The following LARP1B variants were observed in gnomAD, a reference collection of about 807,000 sequenced individuals.
LARP1B encodes the protein la-related protein 1B.
LARP1B carries 76 observed loss-of-function variants against 114.2 expected under a neutral mutation model. That is an observed-to-expected ratio of 0.67 (90% CI 0.55 to 0.81). The LOEUF (loss-of-function observed/expected upper bound fraction) is 0.81, where lower values mean the gene tolerates loss of function less well. Ranked by LOEUF, LARP1B falls within the 30% of genes least tolerant of loss-of-function variation. The pLI is 0.00. For synonymous variants in LARP1B, 345 were observed against 348.0 expected (o/e 0.99, Z 0.10); for missense variants, 1,014 against 1,075.8 (o/e 0.94, Z 0.80).
At chr4:128,222,494 C>T in exon 8 of LARP1B, 1 of 395,512 alleles carries the variant, frequency 2.5e-6, no homozygotes, top group Middle Eastern at 3.5e-4. Flanking sequence ...CCAAGTTTGA[C>T]TTGCATCTTA....
At chr4:128,222,537 C>G in exon 8 of LARP1B, 1 of 283,524 alleles carries the variant, frequency 3.5e-6, no homozygotes, top group Admixed American at 4.4e-5. Context: ...TTTTTCTGCC[C>G]TGGGACATTT....
At chr4:128,093,237 A>G (rs769478786) in intron 7 of LARP1B, among the ~76,000 whole-genome samples, 4 of 152,062 alleles carry the variant, frequency 2.6e-5, no homozygotes, top group African/African-American at 4.8e-5. Flanking sequence ...ACTTTGTATT[A>G]TTTGGTTTCT....
chr4:128,120,393 A>C (rs1303099332), intron 10 of LARP1B, among the ~76,000 whole-genome samples: 1 of 152,148 alleles, frequency 6.6e-6, no homozygotes, highest in Non-Finnish European at 1.5e-5. Flanking sequence ...TTTACATGTT[A>C]TAAGATCTAG....
chr4:128,096,319 T>C (rs1778000437), intron 7 of LARP1B, among the ~76,000 whole-genome samples: 2 of 152,106 alleles, frequency 1.3e-5, no homozygotes, highest in South Asian at 4.1e-4. Context: ...TAAACATGTA[T>C]TTCTCTCTCT....
At chr4:128,186,561 A>G (rs1335779673) in intron 15 of LARP1B, among the ~76,000 whole-genome samples, 1 of 152,192 alleles carries the variant, frequency 6.6e-6, no homozygotes, top group East Asian at 1.9e-4. Flanking sequence ...ATTTTTCTAA[A>G]TATAATATCA....
Position 128,162,202 on chromosome 4 carries a change from T to A in LARP1B, c.1533T>A (p.Val511=), listed in dbSNP as rs772870962. ...ENKHTAIKQE[V]ENFKKLNLIS... ...CCTCCATTCTACTTCAGCAAGAAGT[T>A]GAGAACTTTAAGAAGCTAAATCTCA... The change falls in exon 12 of 20, where the codon GTT becomes GTA. Residue 511 remains valine (V), a synonymous_variant. Transcript: ENST00000326639. 3 of 1,612,188 alleles carry A rather than the reference T, an allele frequency of 1.9e-6. No homozygotes were observed. Among genetic ancestry groups the A allele is most frequent in the Non-Finnish European group, 2.5e-6 (3 of 1,178,814 alleles).
At chr4:128,147,659 C>T (rs1581002753) in intron 11 of LARP1B, among the ~76,000 whole-genome samples, 1 of 152,036 alleles carries the variant, frequency 6.6e-6, no homozygotes, top group African/African-American at 2.4e-5. Context: ...TTGAAGAGTA[C>T]TTTTTGTGAC....
chr4:128,142,839 T>C (rs912216470), intron 11 of LARP1B, among the ~76,000 whole-genome samples: 1 of 152,118 alleles, frequency 6.6e-6, no homozygotes, highest in Non-Finnish European at 1.5e-5. Context: ...CAAAATTCTT[T>C]TACACTCTTC....
intron 1 of LARP1B, among the ~76,000 whole-genome samples, chr4:128,073,270 G>A (rs1036914157): frequency 6.6e-6 from 1 of 151,432 alleles, no homozygotes; most frequent in Admixed American, 6.6e-5. Flanking sequence ...AAAAAAATTA[G>A]CCAGGCATGG....
chr4:128,138,131 A>C (rs1726277752), intron 11 of LARP1B, among the ~76,000 whole-genome samples: 1 of 152,214 alleles, frequency 6.6e-6, no homozygotes, highest in South Asian at 2.1e-4. Context: ...GGAAATAAAT[A>C]GCAGAATTTA....
chr4:128,114,493 A>T, intron 9 of LARP1B, 77 bp from the exon 10 acceptor site: 2 of 1,084,038 alleles, frequency 1.8e-6, no homozygotes, highest in Non-Finnish European at 2.7e-6. Context: ...AGCCCCAGTT[A>T]AGGAAAAAAT....
chr4:128,112,121 CTTTT>C (rs1360525543), intron 9 of LARP1B, among the ~76,000 whole-genome samples: 3 of 152,118 alleles, frequency 2.0e-5, no homozygotes, highest in East Asian at 3.9e-4. Flanking sequence ...TTCACTTGTA[CTTTT>C]TTTGTGAATG....
At chr4:128,132,506 A>G (rs550809779) in intron 11 of LARP1B, among the ~76,000 whole-genome samples, 2 of 152,216 alleles carry the variant, frequency 1.3e-5, no homozygotes, top group African/African-American at 4.8e-5. Context: ...TCAGTCTCCA[A>G]AAGTGCTGAG....
intron 15 of LARP1B, among the ~76,000 whole-genome samples, chr4:128,194,897 G>A (rs2150831662): frequency 6.6e-6 from 1 of 151,534 alleles, no homozygotes; most frequent in South Asian, 2.1e-4. Flanking sequence ...TTTTTCTGCT[G>A]AAATTCTCCA....
At chr4:128,153,379 C>T (rs540115295) in intron 11 of LARP1B, among the ~76,000 whole-genome samples, 2 of 151,386 alleles carry the variant, frequency 1.3e-5, no homozygotes, top group South Asian at 2.1e-4. Flanking sequence ...TGCAGTGGCG[C>T]GATCTTGGCT....
intron 15 of LARP1B, among the ~76,000 whole-genome samples, chr4:128,184,316 C>A (rs189820256): frequency 6.6e-6 from 1 of 152,160 alleles, no homozygotes; most frequent in African/African-American, 2.4e-5. Context: ...CAGCAACCAC[C>A]GCTCTGATCA....
At chr4:128,171,526 T>C (rs934281202) in intron 12 of LARP1B, among the ~76,000 whole-genome samples, 4 of 152,238 alleles carry the variant, frequency 2.6e-5, no homozygotes, top group African/African-American at 9.6e-5. Context: ...TGTTTTACTT[T>C]CAAGCGTGTT....
chr4:128,083,808 C>G (rs1349381134), intron 5 of LARP1B, among the ~76,000 whole-genome samples: 3 of 150,900 alleles, frequency 2.0e-5, no homozygotes, highest in East Asian at 4.0e-4. Flanking sequence ...GGCTGACCCC[C>G]CCACCTCCCT....
intron 15 of LARP1B, among the ~76,000 whole-genome samples, chr4:128,181,180 C>CTTTTTTTTTTTTTTTTTTTTTT (rs70966086): frequency 1.5e-5 from 2 of 130,002 alleles, no homozygotes; most frequent in Non-Finnish European, 3.3e-5. Context: ...CTCATCCATT[C>CTTTTTTTTTTTTTTTTTTTTTT]TTTTTTTTTT....
Sources: allele counts gnomAD v4.1 joint callset (sites outside exome capture counted in the v4.1 genomes callset), GRCh38; gene constraint gnomAD v4.1.1; transcripts MANE v1.5; gene names NCBI Gene and HGNC (gene_info 2026-07-23, HGNC 2026-07-21).